Variants in FGF14 observed in about 807,000 individuals in gnomAD.
The protein encoded by FGF14 is fibroblast growth factor homologous factor 4.
Under a neutral mutation model 25.5 loss-of-function variants are expected in FGF14, and 5 were observed. The observed-to-expected ratio is 0.20, with a 90% confidence interval of 0.10 to 0.41. FGF14 has a LOEUF of 0.41. Ranked by LOEUF, FGF14 falls within the 10% of genes least tolerant of loss-of-function variation. The pLI is 1.00. For synonymous variants in FGF14, 138 were observed against 118.3 expected (o/e 1.17, Z -1.08); for missense variants, 222 against 320.1 (o/e 0.69, Z 2.34).
At chr13:101,860,545 G>C (rs1440910047) in intron 3 of FGF14, among the ~76,000 whole-genome samples, 1 of 152,040 alleles carries the variant, frequency 6.6e-6, no homozygotes, top group African/African-American at 2.4e-5. Flanking sequence ...ACCAGCACTA[G>C]ACATGCCTGG....
chr13:101,998,664 A>G (rs900176390), intron 1 of FGF14, among the ~76,000 whole-genome samples: 4 of 152,230 alleles, frequency 2.6e-5, no homozygotes, highest in Admixed American at 6.5e-5. Flanking sequence ...ACCCTCACAC[A>G]TTGAAAATCT....
intron 1 of FGF14, among the ~76,000 whole-genome samples, chr13:102,388,869 A>G (rs919744592): frequency 2.0e-5 from 3 of 152,150 alleles, no homozygotes; most frequent in Non-Finnish European, 1.5e-5. Flanking sequence ...ACCACATCCC[A>G]GCTAATTCCT....
intron 1 of FGF14, among the ~76,000 whole-genome samples, chr13:102,036,119 T>A (rs901514530): frequency 6.6e-6 from 1 of 152,126 alleles, no homozygotes; most frequent in Non-Finnish European, 1.5e-5. Context: ...ACAGGAAATG[T>A]GTTTTCACAA....
chr13:102,052,868 T>A (rs2042275122), intron 1 of FGF14, among the ~76,000 whole-genome samples: 1 of 152,094 alleles, frequency 6.6e-6, no homozygotes, highest in Non-Finnish European at 1.5e-5. Flanking sequence ...AAGTAAGCAG[T>A]TAATTTGGAG....
intron 1 of FGF14, among the ~76,000 whole-genome samples, chr13:102,311,920 G>A (rs766062840): frequency 1.1e-4 from 17 of 152,168 alleles, no homozygotes; most frequent in Non-Finnish European, 2.4e-4. Context: ...GTATCTCAAT[G>A]TTACTAGGGT....
intron 3 of FGF14, among the ~76,000 whole-genome samples, chr13:101,742,376 A>G (rs1428396012): frequency 6.6e-6 from 1 of 152,224 alleles, no homozygotes; most frequent in Non-Finnish European, 1.5e-5. Flanking sequence ...GAACAAGAAG[A>G]GAAAGTTACA....
At chr13:102,244,236 A>G (rs1281647376) in intron 1 of FGF14, among the ~76,000 whole-genome samples, 1 of 152,014 alleles carries the variant, frequency 6.6e-6, no homozygotes, top group Non-Finnish European at 1.5e-5. Flanking sequence ...GGTCTGAATT[A>G]TGCATTTTTG....
chr13:102,178,104 C>T (rs1441643962), intron 1 of FGF14, among the ~76,000 whole-genome samples: 1 of 152,036 alleles, frequency 6.6e-6, no homozygotes, highest in Non-Finnish European at 1.5e-5. Context: ...TCGACCAGCT[C>T]CCTCATATCC....
chr13:102,095,058 T>C (rs2140260387), intron 1 of FGF14, among the ~76,000 whole-genome samples: 1 of 152,286 alleles, frequency 6.6e-6, no homozygotes. Context: ...CCATTGGAGA[T>C]ACCGTCATTG....
intron 1 of FGF14, among the ~76,000 whole-genome samples, chr13:102,093,813 T>TTAA (rs1251444754): frequency 6.9e-6 from 1 of 144,122 alleles, no homozygotes; most frequent in Non-Finnish European, 1.5e-5. Context: ...GATCATTGTT[T>TTAA]AAAAAAAAAA....
chr13:102,161,669 A>AGAAGAG (rs2047750181), intron 1 of FGF14, among the ~76,000 whole-genome samples: 1 of 66,780 alleles, frequency 1.5e-5, no homozygotes, highest in Non-Finnish European at 2.9e-5. Flanking sequence ...AAGAAGAAGA[A>AGAAGAG]GAAGAAGAAG....
intron 1 of FGF14, among the ~76,000 whole-genome samples, chr13:102,205,793 G>A (rs1409080619): frequency 6.7e-6 from 1 of 148,914 alleles, no homozygotes; most frequent in Non-Finnish European, 1.5e-5. Flanking sequence ...AATTCAGTGT[G>A]TCTACAAACA....
intron 1 of FGF14, among the ~76,000 whole-genome samples, chr13:101,986,582 T>C (rs945670591): frequency 1.3e-5 from 2 of 152,148 alleles, no homozygotes; most frequent in Admixed American, 6.6e-5. Flanking sequence ...CTTGCTGTTA[T>C]TGTTTTTATT....
At position 102,073,018 on chromosome 13, in the gene FGF14, G is replaced by T. The variant is rs768279961; in HGVS notation, c.209-197722C>A. Among the ~76,000 whole-genome samples the T allele has an allele frequency of 2.0e-5, 3 of 152,180 alleles. No homozygotes were observed. In the South Asian group the frequency reaches 6.2e-4, roughly 32 times the overall value. ...GCCTCCACCTAGCCAGAGGCTGGCAGATCACTTGAGGTTAACAGTTCAAGA... is the reference window on the plus strand; with the variant it reads ...GCCTCCACCTAGCCAGAGGCTGGCATATCACTTGAGGTTAACAGTTCAAGA... On this transcript the variant is annotated intron_variant, in intron 1 of 4. Coordinates refer to the FGF14 transcript ENST00000376131.
chr13:102,071,641 C>A (rs1188704847), intron 1 of FGF14, among the ~76,000 whole-genome samples: 1 of 152,128 alleles, frequency 6.6e-6, no homozygotes, highest in African/African-American at 2.4e-5. Context: ...AGAAAGTGAT[C>A]CGTTTACTTC....
At chr13:102,228,773 T>C (rs529370759) in intron 1 of FGF14, among the ~76,000 whole-genome samples, 11 of 152,320 alleles carry the variant, frequency 7.2e-5, no homozygotes, top group Admixed American at 7.2e-4. Context: ...TTTCAGTGAT[T>C]CTAAAAGTGT....
At chr13:102,372,823 C>G (rs577787856) in intron 1 of FGF14, among the ~76,000 whole-genome samples, 8 of 152,178 alleles carry the variant, frequency 5.3e-5, no homozygotes, top group African/African-American at 1.9e-4. Flanking sequence ...GTCCACGAGC[C>G]CTTTCTACAA....
At chr13:101,908,081 C>G (rs1332764642) in intron 1 of FGF14, among the ~76,000 whole-genome samples, 2 of 152,088 alleles carry the variant, frequency 1.3e-5, no homozygotes, top group East Asian at 3.9e-4. Flanking sequence ...GGAGAGGAGA[C>G]ATAAGAGGTT....
At position 101,847,259 on chromosome 13, in the gene FGF14, G is replaced by C. The variant is rs182532303; in HGVS notation, c.408+21466C>G. ...AGAAACTGTAGTTTTATATGCCTGG[G>C]GTCACTGTCAGTGATCACTGCCTCT... On this transcript the variant is annotated intron_variant, in intron 3 of 4. Coordinates refer to ENST00000376143, the MANE Select transcript of FGF14 (RefSeq NM_004115.4). 2.2e-4 allele frequency among the ~76,000 whole-genome samples: 34 copies of C among 151,988 alleles called. No individual in the cohort carries two copies. The East Asian group carries it at 4.3e-3, about 19-fold the overall frequency.
Sources: allele counts gnomAD v4.1 joint callset (sites outside exome capture counted in the v4.1 genomes callset), GRCh38; gene constraint gnomAD v4.1.1; transcripts MANE v1.5; gene names NCBI Gene and HGNC (gene_info 2026-07-23, HGNC 2026-07-21).